Variants in BRCA2 observed in about 807,000 individuals in gnomAD.
BRCA2 encodes the protein breast cancer type 2 susceptibility protein.
A neutral mutation model predicts 276.7 loss-of-function variants in BRCA2; 203 were observed. The observed-to-expected ratio is 0.73, with a 90% CI of 0.65 to 0.82. The LOEUF is 0.82. BRCA2 is among the 40% of genes least tolerant of loss of function. BRCA2 has a pLI of 0.00. For synonymous variants in BRCA2, 1,289 were observed against 1,338.4 expected, an observed-to-expected ratio of 0.96 and a Z score of 0.81; for missense variants, 3,920 against 3,915.0, an observed-to-expected ratio of 1.00 and a Z score of -0.03.
chr13:32,357,303 T>G (rs2137565027), intron 15 of BRCA2, among the ~76,000 whole-genome samples: 1 of 152,248 alleles, frequency 6.6e-6, no homozygotes, highest in Admixed American at 6.5e-5. Context: ...AAAAAGACAC[T>G]TTGGGTTAGA....
At chr13:32,335,127 T>G (rs2072437904) in intron 10 of BRCA2, among the ~76,000 whole-genome samples, 2 of 152,046 alleles carry the variant, frequency 1.3e-5, no homozygotes, top group Admixed American at 1.3e-4. Flanking sequence ...GCAGATCACT[T>G]AAGGTCAAGA....
rs372433502 is a variant in BRCA2, at chr13:32,337,563, G to T, written c.3208G>T (p.Ala1070Ser). Reference sequence around the variant, plus strand: ...GCCTCAGTCAATTAATACTGTATCTGCACATTTACAGAGTAGTGTAGTTGT... The same window carrying T: ...GCCTCAGTCAATTAATACTGTATCTTCACATTTACAGAGTAGTGTAGTTGT... Reference protein sequence around the residue: ...SKPQSINTVSAHLQSSVVVSD... With the variant: ...SKPQSINTVSSHLQSSVVVSD... The change falls in exon 11 of 27, where the codon GCA becomes TCA. Residue 1070 changes from alanine to serine, a missense_variant. Transcript: ENST00000380152. The T allele has an allele frequency of 1.9e-6, 3 of 1,606,394 alleles. No homozygotes were observed. The African/African-American group carries it at 4.0e-5, about 22-fold the overall frequency.
At position 32,326,105 on chromosome 13, in the gene BRCA2, G is replaced by T. The variant is rs876661259; in HGVS notation, c.430G>T (p.Val144Phe). ...ATTTGCTTTGTTTTATTTTAGTCCT[G>T]TTGTTCTACAATGTACACATGTAAC... is the stretch of plus-strand genomic sequence containing the variant. ...LLNSCLSESP[V>F]VLQCTHVTPQ... is the part of the protein sequence containing the mutation. Residue 144 changes from valine (V) to phenylalanine (F), a missense_variant, in exon 5 of 27, where the codon GTT (valine) becomes TTT (phenylalanine). Val to Phe is a conservative substitution (Grantham distance 50). This residue lies in a region of BRCA2 where 3,263 missense variants were observed against 3,156.9 expected (regional missense o/e 1.03). Transcript: ENST00000380152. The T allele has an allele frequency of 1.2e-6, 2 of 1,608,804 alleles. No individual in the cohort carries two copies. The highest frequency in any genetic ancestry group is 2.2e-5 in the South Asian group (2 of 90,548).
rs80358401 is a variant in BRCA2, at chr13:32,398,733, A to G, written c.10220A>G (p.Asn3407Ser). 9.3e-6 allele frequency: 15 copies of G among 1,613,964 alleles called. No homozygotes were observed. The highest frequency in any genetic ancestry group is 1.3e-5 in the Non-Finnish European group (15 of 1,179,972). The part of the protein sequence containing the change: ...SQASTEECEK[N>S]KQDTITTKKY... ...GCCAGTACGGAAGAATGTGAGAAAA[A>G]TAAGCAGGACACAATTACAACTAAA... The change falls in exon 27 of 27, where the codon AAT (asparagine) becomes AGT (serine). Residue 3407 changes from asparagine to serine, a missense_variant. Transcript: ENST00000380152.
At chr13:32,374,694 A>G (rs1000645994) in intron 20 of BRCA2, among the ~76,000 whole-genome samples, 20 of 152,170 alleles carry the variant, frequency 1.3e-4, no homozygotes, top group African/African-American at 4.8e-4. Context: ...TGGCCACATC[A>G]CTGTCAGAAT....
At chr13:32,341,481 A>T (rs1043329608) in intron 11 of BRCA2, among the ~76,000 whole-genome samples, 1 of 152,216 alleles carries the variant, frequency 6.6e-6, no homozygotes. Flanking sequence ...TAGTATAATA[A>T]TTGAGAAATT....
At chr13:32,379,553 A>G in intron 22 of BRCA2, 38 bp downstream of exon 22, 1 of 1,596,258 alleles carries the variant, frequency 6.3e-7, no homozygotes, top group Non-Finnish European at 8.5e-7. Flanking sequence ...CAGTTTTATT[A>G]ACTTAAAAAA....
At chr13:32,352,336 A>G (rs1487298990) in intron 13 of BRCA2, among the ~76,000 whole-genome samples, 1 of 152,156 alleles carries the variant, frequency 6.6e-6, no homozygotes, top group East Asian at 1.9e-4. Context: ...TAATGTATTT[A>G]ACAAACAAAC....
chr13:32,349,188 G>C (rs1301552196), intron 13 of BRCA2, among the ~76,000 whole-genome samples: 2 of 138,450 alleles, frequency 1.4e-5, no homozygotes, highest in African/African-American at 2.8e-5. Flanking sequence ...CTGCACTTCA[G>C]CCTGGGTGAC....
rs1566228808 is a variant in BRCA2, at chr13:32,337,934, T to C, written c.3579T>C (p.Ala1193=). ...CAGTTGAAATTAAACGGAAGTTTGC[T>C]GGCCTGTTGAAAAATGACTGTAACA... The part of the protein sequence containing the change: ...EGTVEIKRKF[A]GLLKNDCNKS... The change falls in exon 11 of 27, where the codon GCT becomes GCC. Residue 1193 remains alanine, a synonymous_variant. Coordinates refer to ENST00000380152, the MANE Select transcript of BRCA2 (RefSeq NM_000059.4). The C allele has an allele frequency of 6.2e-7, 1 of 1,614,086 alleles. No individual in the cohort carries two copies. Among genetic ancestry groups the C allele is most frequent in the Middle Eastern group, 1.6e-4 (1 of 6,062 alleles).
chr13:32,350,413 CAA>C (rs926253774), intron 13 of BRCA2, among the ~76,000 whole-genome samples: 2 of 151,506 alleles, frequency 1.3e-5, no homozygotes, highest in Non-Finnish European at 2.9e-5. Flanking sequence ...AAAATTAACT[CAA>C]GAGAAAGCAA....
intron 13 of BRCA2, among the ~76,000 whole-genome samples, chr13:32,347,810 A>G (rs1418301803): frequency 6.6e-6 from 1 of 152,182 alleles, no homozygotes; most frequent in Non-Finnish European, 1.5e-5. Flanking sequence ...TACTCAGATG[A>G]AACAGTATAG....
intron 7 of BRCA2, 139 bp from the exon 8 acceptor site, chr13:32,329,304 C>A: frequency 1.6e-6 from 1 of 626,258 alleles, no homozygotes; most frequent in Non-Finnish European, 2.9e-6. Flanking sequence ...AATTACTATA[C>A]TTAAGTACTT....
Position 32,336,754 on chromosome 13 carries a change from G to A in BRCA2, c.2399G>A (p.Gly800Asp), listed in dbSNP as rs276174821. ...TACAAAATGTCAGACAAGCTCAAAG[G>A]TAACAATTATGAATCTGATGTTGAA... ...ESYKMSDKLKGNNYESDVELT... is the reference protein window; with the variant it reads ...ESYKMSDKLKDNNYESDVELT... Residue 800 changes from glycine to aspartate, a missense_variant, in exon 11 of 27, where the codon GGT (glycine) becomes GAT (aspartate). This residue lies in a region of BRCA2 where 3,263 missense variants were observed against 3,156.9 expected (regional missense o/e 1.03). Coordinates refer to ENST00000380152, the MANE Select transcript of BRCA2 (RefSeq NM_000059.4). 2 of 1,613,332 alleles carry A rather than the reference G, an allele frequency of 1.2e-6. No homozygotes were observed. The highest frequency in any genetic ancestry group is 8.5e-7 in the Non-Finnish European group (1 of 1,179,746).
intron 10 of BRCA2, among the ~76,000 whole-genome samples, chr13:32,333,674 G>A (rs550524823): frequency 1.1e-4 from 17 of 152,186 alleles, no homozygotes; most frequent in Middle Eastern, 3.4e-3. Context: ...ATAAGTAAAC[G>A]TATGCCATGT....
intron 22 of BRCA2, 35 bp from the exon 23 acceptor site, chr13:32,379,714 TC>T (rs1302001628): frequency 1.3e-6 from 2 of 1,589,494 alleles, no homozygotes; most frequent in African/African-American, 2.7e-5. Context: ...GATAATCACT[TC>T]TTCCATTGCA....
chr13:32,331,097 G>A (rs2137462684), intron 9 of BRCA2, 67 bp downstream of exon 9: 1 of 1,130,728 alleles, frequency 8.8e-7, no homozygotes, highest in Non-Finnish European at 1.3e-6. Flanking sequence ...TTTTTTTTGA[G>A]GTGGAGTCTT....
chr13:32,354,256 A>G (rs2072671526), intron 13 of BRCA2, among the ~76,000 whole-genome samples: 1 of 152,154 alleles, frequency 6.6e-6, no homozygotes. Context: ...GAGAAATGAG[A>G]GTTTATTGAG....
intron 10 of BRCA2, among the ~76,000 whole-genome samples, chr13:32,335,235 C>T (rs1046973345): frequency 1.3e-5 from 2 of 151,622 alleles, no homozygotes; most frequent in Non-Finnish European, 2.9e-5. Context: ...ATCCCAGCTA[C>T]TCGGGACGCT....
Sources: allele counts gnomAD v4.1 joint callset (sites outside exome capture counted in the v4.1 genomes callset), GRCh38; gene constraint gnomAD v4.1.1; regional missense constraint gnomAD v4.1.1; transcripts MANE v1.5; gene names NCBI Gene and HGNC (gene_info 2026-07-23, HGNC 2026-07-21).